The following FASTKD1 variants were observed in gnomAD, a reference collection of about 807,000 sequenced individuals.
The protein encoded by FASTKD1 is FAST kinase domain-containing protein 1, mitochondrial.
In FASTKD1, 94 loss-of-function variants were observed where a neutral mutation model predicts 90.9. The observed-to-expected ratio is 1.03, with a 90% CI of 0.88 to 1.23. The LOEUF is 1.23. Among genes scored for constraint, FASTKD1 ranks in the 50% most tolerant of loss-of-function variants. The probability of loss-of-function intolerance (pLI) is 0.00; values close to 1 mark genes in which losing one functional copy is unlikely to be tolerated. For synonymous variants in FASTKD1, 319 were observed against 345.8 expected, an observed-to-expected ratio of 0.92 and a Z score of 0.86; for missense variants, 945 against 993.5, an observed-to-expected ratio of 0.95 and a Z score of 0.66.
At position 169,529,165 on chromosome 2, in the gene FASTKD1, T is replaced by G. The variant is rs904036823; in HGVS notation, c.*660A>C. Among the ~76,000 whole-genome samples the G allele has an allele frequency of 6.6e-6, 1 of 152,112 alleles. No homozygotes were observed. Among genetic ancestry groups the G allele is most frequent in the African/African-American group, 2.4e-5 (1 of 41,426 alleles). On this transcript the variant is annotated 3_prime_UTR_variant, in exon 15 of 15. Coordinates refer to ENST00000453153, the MANE Select transcript of FASTKD1 (RefSeq NM_024622.6). ...AAAGACATCACAAACTCAACATATC[T>G]AAAACAAACTTGTGATCAACCCCCA...
chr2:169,553,294 C>G, intron 7 of FASTKD1, among the ~76,000 whole-genome samples: 1 of 58,430 alleles, frequency 1.7e-5, no homozygotes, highest in Non-Finnish European at 3.6e-5. Flanking sequence ...AAAAAACCCA[C>G]TGTGCAGACA....
In FASTKD1 at chr2:169,546,211, A is replaced by T. The variant is rs766160599; in HGVS notation, c.1701+7T>A. 5 of 1,532,816 alleles carry T rather than the reference A, an allele frequency of 3.3e-6. No individual in the cohort carries two copies. In the East Asian group the frequency reaches 1.1e-4, roughly 35 times the overall value. 95.0% of individuals were successfully genotyped at this position (1,532,816 alleles called of 1,614,324 possible). A position where few individuals can be genotyped will look rare whatever the true frequency, so the allele number is the denominator to read the frequency against. ...TATAAAATTAATGTCTACCATTTAA[A>T]TTTCACCTTTTCAATCTGCTGAACA... On this transcript the variant is annotated splice_region_variant and intron_variant, in intron 8 of 14. Coordinates refer to ENST00000453153, the MANE Select transcript of FASTKD1 (RefSeq NM_024622.6).
In FASTKD1 at chr2:169,537,247, G is replaced by T. The variant is rs201465952; in HGVS notation, c.2168C>A (p.Thr723Lys). 4 of 1,609,954 alleles carry T rather than the reference G, an allele frequency of 2.5e-6. No homozygotes were observed. Among genetic ancestry groups the T allele is most frequent in the Non-Finnish European group, 3.4e-6 (4 of 1,176,766 alleles). The change falls in exon 12 of 15, where the codon ACG becomes AAG. Residue 723 changes from threonine to lysine, a missense_variant. By Grantham distance (78) the Thr-to-Lys change is moderately conservative. Transcript: ENST00000453153. ...CTTACCTACTTTGTGGTAATAAGGC[G>T]TAAGAACCGAGGCTTTTACACAATT... ...GINCVKASVL[T>K]PYYHKVDFEC...
intron 4 of FASTKD1, among the ~76,000 whole-genome samples, chr2:169,562,094 GTAAAATA>G: frequency 7.6e-6 from 1 of 130,888 alleles, no homozygotes; most frequent in African/African-American, 2.9e-5. Context: ...TTAATTTATT[GTAAAATA>G]ATTATTTATT....
intron 13 of FASTKD1, chr2:169,531,042 T>C (rs751897865): frequency 1.5e-6 from 1 of 671,534 alleles, no homozygotes; most frequent in South Asian, 1.4e-5. Flanking sequence ...GTTACTGTAA[T>C]GCAGTGTAGG....
chr2:169,558,574 C>G (rs1301370253), intron 5 of FASTKD1, among the ~76,000 whole-genome samples: 1 of 152,096 alleles, frequency 6.6e-6, no homozygotes, highest in Non-Finnish European at 1.5e-5. Flanking sequence ...CTCAGCCTCC[C>G]AAGTAGCTGA....
chr2:169,544,894 T>C, intron 8 of FASTKD1, 59 bp from the exon 9 acceptor site: 1 of 901,976 alleles, frequency 1.1e-6, no homozygotes, highest in Non-Finnish European at 1.7e-6. Flanking sequence ...GACAAAATTT[T>C]AACCTAATTA....
chr2:169,560,893 G>A, intron 4 of FASTKD1, 108 bp from the exon 5 acceptor site: 1 of 934,478 alleles, frequency 1.1e-6, no homozygotes. Flanking sequence ...ATGTTGCCAG[G>A]GCTGGTCTCA....
In FASTKD1 at chr2:169,531,429, T is replaced by A. The variant is rs757563259; in HGVS notation, c.2250A>T (p.Ala750=). ...AGGGCATTTCTGGTAGTTGTCCCAA[T>A]GCTATATTATGGCTTCCATACGGAA... ...KPLPYGSHNI[A]LGQLPEMPWE... The change falls in exon 13 of 15, where the codon GCA becomes GCT. Residue 750 remains alanine, a synonymous_variant. Transcript: ENST00000453153. 6.2e-7 allele frequency: 1 copy of A among 1,612,538 alleles called. No individual in the cohort carries two copies. Among genetic ancestry groups the A allele is most frequent in the Non-Finnish European group, 8.5e-7 (1 of 1,179,604 alleles).
In FASTKD1 at chr2:169,538,148, T is replaced by C. The variant is rs1200006575; in HGVS notation, c.1946-7A>G. ...CTTCGAGATGGAGATAAAACTGAAATTAATAAAATACTAATGAATTTTGAT... is the reference window on the plus strand; with the variant it reads ...CTTCGAGATGGAGATAAAACTGAAACTAATAAAATACTAATGAATTTTGAT... On this transcript the variant is annotated splice_polypyrimidine_tract_variant and splice_region_variant and intron_variant, in intron 10 of 14. Transcript: ENST00000453153. 3.8e-6 allele frequency: 6 copies of C among 1,587,110 alleles called. No homozygotes were observed. The highest frequency in any genetic ancestry group is 5.1e-6 in the Non-Finnish European group (6 of 1,172,310).
At position 169,560,396 on chromosome 2, in the gene FASTKD1, T is replaced by C. The variant is rs766200089; in HGVS notation, c.962A>G (p.Glu321Gly). The C allele has an allele frequency of 1.3e-6, 2 of 1,535,236 alleles. No homozygotes were observed. Among genetic ancestry groups the C allele is most frequent in the Non-Finnish European group, 1.7e-6 (2 of 1,150,112 alleles). The stretch of plus-strand genomic sequence containing the variant: ...TTTAAACTGAACTTACTGTTTCTTT[T>C]CTTCAGGTCCTGCAATGGGTCCCAA... ...VALGPIAGPE[E>G]KKQLKSTMLL... The change falls in exon 5 of 15, where the codon GAA becomes GGA. Residue 321 changes from glutamate (E) to glycine (G), a missense_variant. Transcript: ENST00000453153.
rs1264070863 is a variant in FASTKD1, at chr2:169,562,007, T to C, written c.572+1218A>G. Among the ~76,000 whole-genome samples the C allele has an allele frequency of 2.6e-5, 3 of 113,768 alleles. 1 individual carries two copies. The highest frequency in any genetic ancestry group is 5.0e-4 in the East Asian group (2 of 3,992). The allele number at this position is 113,768 out of a possible 152,430, so 74.6% of individuals were successfully genotyped here. A position where few individuals can be genotyped will look rare whatever the true frequency, so the allele number is the denominator to read the frequency against. On this transcript the variant is annotated intron_variant, in intron 4 of 14. Transcript: ENST00000453153. The stretch of plus-strand genomic sequence containing the variant: ...AATTTATTGTAAATTAATTATTCAT[T>C]AATTTATTGTAAATTAATTATTTAT...
intron 5 of FASTKD1, 100 bp downstream of exon 5, chr2:169,560,287 T>C: frequency 1.2e-6 from 1 of 859,094 alleles, no homozygotes; most frequent in South Asian, 2.1e-5. Context: ...CACAACCTAA[T>C]AGGGTGATAT....
rs201465952 is a variant in FASTKD1 at position 169,537,247 on chromosome 2, G to A, written c.2168C>T (p.Thr723Met). 163 of 1,609,950 alleles carry A rather than the reference G, an allele frequency of 1.0e-4. No homozygotes were observed. The highest frequency in any genetic ancestry group is 7.0e-4 in the South Asian group (64 of 90,914). Residue 723 changes from threonine to methionine, a missense_variant, in exon 12 of 15, where the codon ACG becomes ATG. Coordinates refer to ENST00000453153, the MANE Select transcript of FASTKD1 (RefSeq NM_024622.6). Reference sequence around the variant, plus strand: ...CTTACCTACTTTGTGGTAATAAGGCGTAAGAACCGAGGCTTTTACACAATT... The same window carrying A: ...CTTACCTACTTTGTGGTAATAAGGCATAAGAACCGAGGCTTTTACACAATT... ...GINCVKASVL[T>M]PYYHKVDFEC... is the part of the protein sequence containing the mutation.
intron 3 of FASTKD1, among the ~76,000 whole-genome samples, chr2:169,564,866 T>A (rs1421010364): frequency 6.6e-6 from 1 of 151,916 alleles, no homozygotes; most frequent in Non-Finnish European, 1.5e-5. Context: ...CATAATAATC[T>A]CCAGTTCCAC....
At chr2:169,537,785 C>T (rs759583905) in intron 11 of FASTKD1, among the ~76,000 whole-genome samples, 13 of 152,120 alleles carry the variant, frequency 8.5e-5, no homozygotes, top group South Asian at 2.1e-4. Context: ...TATATAATGA[C>T]ACTAAATTCA....
rs373421355 is a variant in FASTKD1 at position 169,572,032 on chromosome 2, A to G, written c.-3T>C. The G allele has an allele frequency of 4.5e-4, 708 of 1,560,828 alleles. 1 individual carries two copies. The highest frequency in any genetic ancestry group is 6.0e-4 in the Non-Finnish European group (693 of 1,154,306). On this transcript the variant is annotated 5_prime_UTR_variant, in exon 2 of 15. Transcript: ENST00000453153. ...AGGAAAACAGGTGTTTTTTTCATTT[A>G]TATCACAAGTTTTCTTAGGTAAACA...
At position 169,554,191 on chromosome 2, in the gene FASTKD1, G is replaced by A. The variant is rs117862253; in HGVS notation, c.1214+933C>T. On this transcript the variant is annotated intron_variant, in intron 7 of 14. Transcript: ENST00000453153. ...GAGGATCACTTCAGCCCAGGACTTC[G>A]AGGCTACAGCAAGTTATGATTGGCT... Among the ~76,000 whole-genome samples the A allele has an allele frequency of 2.3e-4, 33 of 143,302 alleles. No individual in the cohort carries two copies. In the East Asian group the frequency reaches 3.0e-3, roughly 13 times the overall value. 94.0% of individuals were successfully genotyped at this position (143,302 alleles called of 152,430 possible).
chr2:169,573,718 G>A lies in FASTKD1; in HGVS notation c.-192C>T, dbSNP rs1037880423. The A allele has an allele frequency of 7.2e-5, 11 of 152,268 alleles. No homozygotes were observed. Among genetic ancestry groups the A allele is most frequent in the African/African-American group, 2.7e-4 (11 of 41,450 alleles). The allele number at this position is 152,268 out of a possible 1,614,324, so 9.4% of individuals were successfully genotyped here. A position where few individuals can be genotyped will look rare whatever the true frequency, so the allele number is the denominator to read the frequency against. ...CGCAAATTTTCTGGAGGATCCTGGG[G>A]TTATGAAAGCTCAGAAGTCAGGGTT... On this transcript the variant is annotated 5_prime_UTR_variant, in exon 1 of 15. Transcript: ENST00000453153.
Sources: gnomAD v4.1 joint callset for allele counts (sites outside exome capture counted in the v4.1 genomes callset) on GRCh38, gnomAD v4.1.1 for gene constraint, MANE v1.5 for transcripts, NCBI Gene and HGNC (gene_info 2026-07-23, HGNC 2026-07-21) for gene names.